Variants in CALCOCO2 observed in about 807,000 individuals in gnomAD.
The protein encoded by CALCOCO2 is calcium-binding and coiled-coil domain-containing protein 2.
A neutral mutation model predicts 62.5 loss-of-function variants in CALCOCO2; 42 were observed. The observed-to-expected ratio is 0.67, with a 90% CI of 0.53 to 0.87. CALCOCO2 has a LOEUF of 0.87. Among genes scored for constraint, CALCOCO2 ranks in the 40% least tolerant of loss-of-function variants. The pLI, the probability that CALCOCO2 is intolerant of heterozygous loss-of-function variation, is 0.00. For synonymous variants in CALCOCO2, 167 were observed against 173.0 expected (o/e 0.97, Z 0.27); for missense variants, 456 against 515.0 (o/e 0.89, Z 1.11).
chr17:48,847,795 A>G, intron 2 of CALCOCO2: 1 of 259,192 alleles, frequency 3.9e-6, no homozygotes, highest in Non-Finnish European at 7.4e-6. Context: ...AGCTGGGATT[A>G]CAGGCGCACA....
intron 2 of CALCOCO2, among the ~76,000 whole-genome samples, chr17:48,847,235 G>A (rs533920588): frequency 6.6e-6 from 1 of 152,040 alleles, no homozygotes; most frequent in Admixed American, 6.6e-5. Context: ...GAAAAATAAT[G>A]GGTTTTTTTT....
chr17:48,845,982 A>T, intron 2 of CALCOCO2: 1 of 761,106 alleles, frequency 1.3e-6, no homozygotes, highest in Non-Finnish European at 2.1e-6. Context: ...GTTGGCTGTA[A>T]AGTTTCGTCC....
chr17:48,853,650 A>G (rs1387410099), intron 9 of CALCOCO2, among the ~76,000 whole-genome samples: 2 of 152,258 alleles, frequency 1.3e-5, no homozygotes, highest in Non-Finnish European at 1.5e-5. Flanking sequence ...AAGATACTGT[A>G]TGCTTTAGCA....
rs1196234126 is a variant in CALCOCO2 at position 48,864,272 on chromosome 17, C to T, written c.*1267C>T. The T allele has an allele frequency of 6.6e-6, 1 of 152,398 alleles. No homozygotes were observed. The highest frequency in any genetic ancestry group is 1.5e-5 in the Non-Finnish European group (1 of 68,094). 9.4% of individuals were successfully genotyped at this position (152,398 alleles called of 1,614,324 possible). ...AGAGACAGGGTTTCACTATGTTGGC[C>T]AGGCTGGTCTCGAACTCCTGGCCTC... On this transcript the variant is annotated 3_prime_UTR_variant, in exon 13 of 13. Transcript: ENST00000258947.
chr17:48,841,211 C>T (rs982543427), intron 1 of CALCOCO2, among the ~76,000 whole-genome samples: 1 of 152,148 alleles, frequency 6.6e-6, no homozygotes, highest in African/African-American at 2.4e-5. Flanking sequence ...TCTCTCATTC[C>T]CATCCCCAGG....
At position 48,864,190 on chromosome 17, in the gene CALCOCO2, A is replaced by C. The variant is rs2040364663; in HGVS notation, c.*1185A>C. 1.3e-5 allele frequency: 2 copies of C among 151,582 alleles called. No homozygotes were observed. The highest frequency in any genetic ancestry group is 1.3e-4 in the Admixed American group (2 of 15,168). The allele number at this position is 151,582 out of a possible 1,614,324, so 9.4% of individuals were successfully genotyped here. A position where few individuals can be genotyped will look rare whatever the true frequency, so the allele number is the denominator to read the frequency against. ...GCGATTCTCATGCCTTAGCCTCCCA[A>C]GTAGCTGGGATTACAGGTGTGTGCC... On this transcript the variant is annotated 3_prime_UTR_variant, in exon 13 of 13. Coordinates refer to ENST00000258947, the MANE Select transcript of CALCOCO2 (RefSeq NM_005831.5).
rs56280364 is a variant in CALCOCO2, at chr17:48,845,371, CTGTGTGTGTG to C, written c.181-2651_181-2642del. 9.8e-3 allele frequency among the ~76,000 whole-genome samples: 1,137 copies of C among 116,254 alleles called. 18 individuals are homozygous for C. Among genetic ancestry groups the C allele is most frequent in the African/African-American group, 0.028 (866 of 30,774 alleles). The allele number at this position is 116,254 out of a possible 152,430, so 76.3% of individuals were successfully genotyped here. ...TGTGTATTGCCTAATTAAATCCTCA[CTGTGTGTGTG>C]TGTGTGTGTGTGTGTGTGTGTGTGT... On this transcript the variant is annotated intron_variant, in intron 2 of 12. Coordinates refer to ENST00000258947, the MANE Select transcript of CALCOCO2 (RefSeq NM_005831.5).
chr17:48,848,148 C>A lies in CALCOCO2; in HGVS notation c.265C>A (p.Gln89Lys). 1 of 1,610,584 alleles carries A rather than the reference C, an allele frequency of 6.2e-7. No homozygotes were observed. Among genetic ancestry groups the A allele is most frequent in the Non-Finnish European group, 8.5e-7 (1 of 1,176,826 alleles). The change falls in exon 3 of 13, where the codon CAG (glutamine) becomes AAG (lysine). Residue 89 changes from glutamine (Q) to lysine (K), a missense_variant. Gln to Lys is a moderately conservative substitution (Grantham distance 53, BLOSUM62 1). This residue lies in a region of CALCOCO2 where 236 missense variants were observed against 225.3 expected (regional missense o/e 1.05). Coordinates refer to ENST00000258947, the MANE Select transcript of CALCOCO2 (RefSeq NM_005831.5). ...CCTAAACAACAAATCAGCTAAACAGCAGGAAGTCCAATTCAAAGGTGAGAA... is the reference window on the plus strand; with the variant it reads ...CCTAAACAACAAATCAGCTAAACAGAAGGAAGTCCAATTCAAAGGTGAGAA... The part of the protein sequence containing the change: ...IDLNNKSAKQ[Q>K]EVQFKAYYLP...
At chr17:48,841,540 A>T in intron 1 of CALCOCO2, 158 bp from the exon 2 acceptor site, 1 of 495,682 alleles carries the variant, frequency 2.0e-6, no homozygotes, top group Non-Finnish European at 3.6e-6. Flanking sequence ...GATGGCTCGA[A>T]GTGAAACAGA....
intron 1 of CALCOCO2, among the ~76,000 whole-genome samples, chr17:48,836,981 G>A (rs1598023399): frequency 6.6e-6 from 1 of 152,104 alleles, no homozygotes; most frequent in East Asian, 1.9e-4. Flanking sequence ...GCCTGCTCTT[G>A]AACTCCTGAC....
rs568670928 is a variant in CALCOCO2 at position 48,864,607 on chromosome 17, G to T, written c.*1602G>T. 1 of 152,562 alleles carries T rather than the reference G, an allele frequency of 6.6e-6. No homozygotes were observed. The highest frequency in any genetic ancestry group is 6.5e-5 in the Admixed American group (1 of 15,296). 9.5% of individuals were successfully genotyped at this position (152,562 alleles called of 1,614,324 possible). ...AAAACTTTTGAATGATGTGAAACACGATGTCATGAATAAGGGTTGAGCCAA... is the reference window on the plus strand; with the variant it reads ...AAAACTTTTGAATGATGTGAAACACTATGTCATGAATAAGGGTTGAGCCAA... On this transcript the variant is annotated 3_prime_UTR_variant, in exon 13 of 13. Coordinates refer to ENST00000258947, the MANE Select transcript of CALCOCO2 (RefSeq NM_005831.5).
Position 48,851,603 on chromosome 17 carries a change from T to C in CALCOCO2, c.677T>C (p.Met226Thr), listed in dbSNP as rs1201762279. 1 of 1,602,906 alleles carries C rather than the reference T, an allele frequency of 6.2e-7. No homozygotes were observed. Among genetic ancestry groups the C allele is most frequent in the East Asian group, 2.2e-5 (1 of 44,820 alleles). The change falls in exon 7 of 13, where the codon ATG becomes ACG. Residue 226 changes from methionine to threonine, a missense_variant. This residue lies in a region of CALCOCO2 where 236 missense variants were observed against 225.3 expected (regional missense o/e 1.05). Coordinates refer to ENST00000258947, the MANE Select transcript of CALCOCO2 (RefSeq NM_005831.5). The part of the protein sequence containing the change: ...NQKMSSENEK[M>T]GIRVDQLQAQ... Reference sequence around the variant, plus strand: ...AAGATGTCCTCAGAAAATGAGAAGATGGGAATCAGAGTGGATCAGCTTCAG... The same window carrying C: ...AAGATGTCCTCAGAAAATGAGAAGACGGGAATCAGAGTGGATCAGCTTCAG...
intron 11 of CALCOCO2, among the ~76,000 whole-genome samples, chr17:48,861,957 G>A (rs897351970): frequency 1.3e-5 from 2 of 151,270 alleles, no homozygotes; most frequent in African/African-American, 4.9e-5. Context: ...GCTGAGGCAG[G>A]AGAATTGCTT....
At chr17:48,852,369 T>C in intron 7 of CALCOCO2, 137 bp from the exon 8 acceptor site, 1 of 679,964 alleles carries the variant, frequency 1.5e-6, no homozygotes, top group Non-Finnish European at 2.5e-6. Context: ...TAAAGAGTGA[T>C]TTGTCTAATT....
chr17:48,842,154 C>CTTTT (rs200836727), intron 2 of CALCOCO2: 2 of 136,638 alleles, frequency 1.5e-5, no homozygotes, highest in African/African-American at 2.9e-5. Context: ...TTTTTCTTTT[C>CTTTT]TTTTTTTTTT....
At position 48,860,545 on chromosome 17, in the gene CALCOCO2, C is replaced by T. The variant is rs1479462263; in HGVS notation, c.1144+96C>T. The T allele has an allele frequency of 3.7e-6, 4 of 1,081,978 alleles. No homozygotes were observed. The African/African-American group carries it at 6.3e-5, about 17-fold the overall frequency. The allele number at this position is 1,081,978 out of a possible 1,614,324, so 67.0% of individuals were successfully genotyped here. ...CTGAGGTGCTAATTAAGACCAGTCT[C>T]ATTGTTAAGACTTGCTGGGCAGAAG... On this transcript the variant is annotated intron_variant, in intron 11 of 12. Transcript: ENST00000258947.
At chr17:48,851,800 T>C in intron 7 of CALCOCO2, 172 bp downstream of exon 7, 1 of 563,152 alleles carries the variant, frequency 1.8e-6, no homozygotes, top group South Asian at 2.3e-5. Flanking sequence ...CAGGTAAGCC[T>C]CCACCCTACC....
In CALCOCO2 at chr17:48,862,360, T is replaced by C. The variant is rs150882503; in HGVS notation, c.1173+56T>C. The C allele has an allele frequency of 3.4e-6, 4 of 1,179,612 alleles. No individual in the cohort carries two copies. The African/African-American group carries it at 4.5e-5, about 13-fold the overall frequency. The allele number at this position is 1,179,612 out of a possible 1,614,324, so 73.1% of individuals were successfully genotyped here. A position where few individuals can be genotyped will look rare whatever the true frequency, so the allele number is the denominator to read the frequency against. ...CAAAGCACTTGAAAATTTCCCTTCCTGCTCCAGTTCATGGGAGAACCATAG... is the reference window on the plus strand; with the variant it reads ...CAAAGCACTTGAAAATTTCCCTTCCCGCTCCAGTTCATGGGAGAACCATAG... On this transcript the variant is annotated intron_variant, in intron 12 of 12. Transcript: ENST00000258947.
intron 9 of CALCOCO2, 49 bp downstream of exon 9, chr17:48,853,061 A>G: frequency 2.4e-6 from 3 of 1,267,480 alleles, no homozygotes; most frequent in Non-Finnish European, 3.5e-6. Flanking sequence ...ATAGGGATGT[A>G]GAAGAAAAGG....
Sources: gnomAD v4.1 joint callset for allele counts (sites outside exome capture counted in the v4.1 genomes callset) on GRCh38, gnomAD v4.1.1 for gene constraint, gnomAD v4.1.1 regional missense constraint, MANE v1.5 for transcripts, NCBI Gene and HGNC (gene_info 2026-07-23, HGNC 2026-07-21) for gene names.